PTPN3: variants seen among roughly 807,000 people sequenced by gnomAD.
The protein encoded by PTPN3 is protein tyrosine phosphatase non-receptor type 3.
Under a neutral mutation model 132.7 loss-of-function variants are expected in PTPN3, and 96 were observed. The ratio of observed to expected loss-of-function variants is 0.72; its 90% CI spans 0.61 to 0.86. The LOEUF (loss-of-function observed/expected upper bound fraction) is 0.86, where lower values mean the gene tolerates loss of function less well. Ranked by LOEUF, PTPN3 falls within the 40% of genes least tolerant of loss-of-function variation. The pLI, the probability that PTPN3 is intolerant of heterozygous loss-of-function variation, is 0.00. For missense variants in PTPN3, 1,125 were observed against 1,159.6 expected, an observed-to-expected ratio of 0.97 and a Z score of 0.43; for synonymous variants, 398 against 429.0, an observed-to-expected ratio of 0.93 and a Z score of 0.89.
At chr9:109,457,242 A>G (rs986855413) in intron 3 of PTPN3, 27 bp from the exon 4 acceptor site, 2 of 1,613,482 alleles carry the variant, frequency 1.2e-6, no homozygotes, top group Admixed American at 3.3e-5. Flanking sequence ...CATAAAATAT[A>G]AAAGCAAACC....
intron 2 of PTPN3, among the ~76,000 whole-genome samples, chr9:109,459,870 C>T (rs1845753458): frequency 6.6e-6 from 1 of 152,092 alleles, no homozygotes; most frequent in East Asian, 1.9e-4. Context: ...TCCTTTAGTG[C>T]CTGCTCCTCA....
At chr9:109,465,513 C>T (rs1443458846) in intron 1 of PTPN3, among the ~76,000 whole-genome samples, 1 of 151,924 alleles carries the variant, frequency 6.6e-6, no homozygotes, top group East Asian at 1.9e-4. Context: ...AGTTCGAGAC[C>T]AGCCTGGCCA....
In PTPN3 at chr9:109,410,431, G is replaced by A. The variant is rs925258059; in HGVS notation, c.1314-16C>T. ...GGATAAACTCCTTCATCATGGGGAAGGAGGAGATATTAATAACTGGGTTAA... is the reference window on the plus strand; with the variant it reads ...GGATAAACTCCTTCATCATGGGGAAAGAGGAGATATTAATAACTGGGTTAA... On this transcript the variant is annotated splice_polypyrimidine_tract_variant and intron_variant, in intron 14 of 25. Transcript: ENST00000374541. 1.2e-6 allele frequency: 2 copies of A among 1,612,248 alleles called. No homozygotes were observed. The highest frequency in any genetic ancestry group is 8.5e-7 in the Non-Finnish European group (1 of 1,178,446).
At chr9:109,455,770 G>A (rs994467283) in intron 4 of PTPN3, among the ~76,000 whole-genome samples, 1 of 152,044 alleles carries the variant, frequency 6.6e-6, no homozygotes, top group African/African-American at 2.4e-5. Flanking sequence ...ATAGAATGTC[G>A]AACCCTCTGG....
At chr9:109,507,508 C>T in the PTPN3 span, among the ~76,000 whole-genome samples, 3 of 152,310 alleles carry the variant, frequency 2.0e-5, no homozygotes, top group South Asian at 2.1e-4. Flanking sequence ...TAGTGTTGCA[C>T]GGATGACACA....
At chr9:109,488,700 G>A (rs1847325768) in intron 1 of PTPN3, among the ~76,000 whole-genome samples, 1 of 152,184 alleles carries the variant, frequency 6.6e-6, no homozygotes, top group Non-Finnish European at 1.5e-5. Context: ...CAGAAAATAA[G>A]TTAAAGAACC....
In PTPN3 at chr9:109,404,437, G is replaced by A. The variant is rs779586569; in HGVS notation, c.1953+11C>T. ...ACATGGCAGTGGGATTCAGCCTCCA[G>A]AGGGTCTTACCTCAAACTGGATCAG... On this transcript the variant is annotated intron_variant, in intron 19 of 25. Transcript: ENST00000374541. The A allele has an allele frequency of 7.1e-7, 1 of 1,404,374 alleles. No homozygotes were observed. The highest frequency in any genetic ancestry group is 2.6e-5 in the East Asian group (1 of 38,804). 87.0% of individuals were successfully genotyped at this position (1,404,374 alleles called of 1,614,324 possible).
chr9:109,517,415 G>A, the PTPN3 span, among the ~76,000 whole-genome samples: 1 of 152,194 alleles, frequency 6.6e-6, no homozygotes, highest in African/African-American at 2.4e-5. Context: ...AATTAACCAA[G>A]TTAAGAATTA....
intron 23 of PTPN3, 104 bp from the exon 24 acceptor site, chr9:109,382,551 C>T (rs575774368): frequency 7.6e-7 from 1 of 1,315,074 alleles, no homozygotes; most frequent in South Asian, 1.3e-5. Context: ...TGCTTTCTCC[C>T]TCTGCGCACA....
At chr9:109,415,970 T>C (rs1842457059) in intron 14 of PTPN3, among the ~76,000 whole-genome samples, 1 of 152,118 alleles carries the variant, frequency 6.6e-6, no homozygotes, top group African/African-American at 2.4e-5. Context: ...ACAAACACTC[T>C]GAACAAAACC....
At chr9:109,398,873 C>T (rs929276630) in intron 19 of PTPN3, among the ~76,000 whole-genome samples, 12 of 152,200 alleles carry the variant, frequency 7.9e-5, no homozygotes, top group African/African-American at 2.9e-4. Context: ...GTAGATTAAT[C>T]TCCAAGTTTT....
At position 109,382,337 on chromosome 9, in the gene PTPN3, C is replaced by CA. The variant is rs1491057858; in HGVS notation, c.2492dup (p.Arg832GlufsTer32). The stretch of plus-strand genomic sequence containing the variant: ...CTAGGACGGGCTCGCTGTCCACTCT[C>CA]AGAGACCTCACATAGTTTACAAATT... On this transcript the variant is annotated frameshift_variant, in exon 24 of 26. Coordinates refer to ENST00000374541, the MANE Select transcript of PTPN3 (RefSeq NM_002829.4). LOFTEE classifies it high-confidence loss of function. 1 of 1,614,090 alleles carries CA rather than the reference C, an allele frequency of 6.2e-7. No homozygotes were observed. Among genetic ancestry groups the CA allele is most frequent in the Non-Finnish European group, 8.5e-7 (1 of 1,179,968 alleles).
At chr9:109,422,682 T>C (rs754409357) in intron 13 of PTPN3, 36 bp downstream of exon 13, 40 of 1,529,948 alleles carry the variant, frequency 2.6e-5, no homozygotes, top group Middle Eastern at 3.6e-4. Flanking sequence ...GTGTCTACTG[T>C]TGGGTAGTAC....
intron 6 of PTPN3, among the ~76,000 whole-genome samples, chr9:109,447,348 T>C (rs1844933332): frequency 6.6e-6 from 1 of 152,022 alleles, no homozygotes; most frequent in Non-Finnish European, 1.5e-5. Context: ...AAAGAATGGG[T>C]TTCTGCAGCT....
chr9:109,455,259 C>T (rs947359111), intron 4 of PTPN3, among the ~76,000 whole-genome samples: 1 of 152,144 alleles, frequency 6.6e-6, no homozygotes, highest in Non-Finnish European at 1.5e-5. Context: ...AGTCAATTTG[C>T]TTGTGTGGAT....
intron 23 of PTPN3, 65 bp from the exon 24 acceptor site, chr9:109,382,512 C>T (rs1210367303): frequency 1.9e-6 from 3 of 1,579,330 alleles, no homozygotes; most frequent in African/African-American, 1.3e-5. Flanking sequence ...CCAGCCCCAA[C>T]CCAGACACAG....
Position 109,409,547 on chromosome 9 carries a change from C to A in PTPN3, c.1578+452G>T, listed in dbSNP as rs149432376. On this transcript the variant is annotated intron_variant, in intron 16 of 25. Transcript: ENST00000374541. ...TTAAAAAAAACCTCTCAATTCTAGG[C>A]TGGGTGCGGTGGTTCACGCCTGTAA... is the stretch of plus-strand genomic sequence containing the variant. 1.4e-3 allele frequency among the ~76,000 whole-genome samples: 218 copies of A among 152,266 alleles called. 5 individuals are homozygous for A. In the East Asian group the frequency reaches 0.039, roughly 27 times the overall value.
rs769545167 is a variant in PTPN3 at position 109,391,137 on chromosome 9, C to A, written c.2106+1G>T. On this transcript the variant is annotated splice_donor_variant, in intron 21 of 25. Transcript: ENST00000374541. LOFTEE classifies it high-confidence loss of function. Reference sequence around the variant, plus strand: ...AAGCATCATCCAGATTCCTAACTTACGTTCACGTAACTTGCATTAATATAA... The same window carrying A: ...AAGCATCATCCAGATTCCTAACTTAAGTTCACGTAACTTGCATTAATATAA... The A allele has an allele frequency of 6.2e-7, 1 of 1,612,310 alleles. No individual in the cohort carries two copies. Among genetic ancestry groups the A allele is most frequent in the East Asian group, 2.2e-5 (1 of 44,876 alleles).
At chr9:109,409,466 T>G (rs1841893156) in intron 16 of PTPN3, among the ~76,000 whole-genome samples, 1 of 152,152 alleles carries the variant, frequency 6.6e-6, no homozygotes, top group African/African-American at 2.4e-5. Flanking sequence ...ATCTAGTGGA[T>G]AGCCAATGCC....
Sources: gnomAD v4.1 joint callset for allele counts (sites outside exome capture counted in the v4.1 genomes callset) on GRCh38, gnomAD v4.1.1 for gene constraint, MANE v1.5 for transcripts, NCBI Gene and HGNC (gene_info 2026-07-23, HGNC 2026-07-21) for gene names.